Variants in CELF1 observed in about 807,000 individuals in gnomAD.
CELF1 encodes the protein CUGBP Elav-like family member 1.
A neutral mutation model predicts 61.8 loss-of-function variants in CELF1; 10 were observed. The ratio of observed to expected loss-of-function variants is 0.16; its 90% confidence interval spans 0.10 to 0.27. The LOEUF is 0.27. Ranked by LOEUF, CELF1 falls within the 10% of genes least tolerant of loss-of-function variation. The pLI is 1.00. For synonymous variants in CELF1, 236 were observed against 225.1 expected (o/e 1.05, Z -0.43); for missense variants, 380 against 639.1 (o/e 0.59, Z 4.37).
At chr11:47,558,515 ATATATG>A (rs1463953632) in intron 2 of CELF1, among the ~76,000 whole-genome samples, 1 of 119,030 alleles carries the variant, frequency 8.4e-6, no homozygotes, top group African/African-American at 3.6e-5. Context: ...TATATAAATA[ATATATG>A]TATATGTATA....
chr11:47,501,109 C>T (rs1391973966), intron 1 of CELF1, among the ~76,000 whole-genome samples, 177 bp from the exon 2 acceptor site: 4 of 152,226 alleles, frequency 2.6e-5, no homozygotes, highest in Admixed American at 1.3e-4. Flanking sequence ...CATGTCCAGA[C>T]GTCATCATCC....
chr11:47,556,923 G>A (rs181996884), upstream of CELF1, among the ~76,000 whole-genome samples: 6 of 152,094 alleles, frequency 3.9e-5, no homozygotes, highest in Admixed American at 6.6e-5. Flanking sequence ...ATTTTGAGAC[G>A]GAGTCTTGCT....
chr11:47,528,535 A>T (rs1476723008), intron 1 of CELF1, among the ~76,000 whole-genome samples: 1 of 152,072 alleles, frequency 6.6e-6, no homozygotes, highest in African/African-American at 2.4e-5. Context: ...AGGACTGTTC[A>T]TTGAGGCCAG....
At chr11:47,488,205 G>T (rs2088881752) in intron 4 of CELF1, among the ~76,000 whole-genome samples, 1 of 152,206 alleles carries the variant, frequency 6.6e-6, no homozygotes, top group Admixed American at 6.5e-5. Context: ...ATGTCTGTGT[G>T]TATATACGGG....
At chr11:47,502,242 C>A (rs1250305148) in intron 1 of CELF1, among the ~76,000 whole-genome samples, 3 of 152,144 alleles carry the variant, frequency 2.0e-5, no homozygotes. Context: ...TATAAAGCAA[C>A]ACCGCTTTAA....
intron 1 of CELF1, among the ~76,000 whole-genome samples, chr11:47,514,699 A>G (rs2095453148): frequency 6.6e-6 from 1 of 151,114 alleles, no homozygotes; most frequent in African/African-American, 2.4e-5. Context: ...CTACAAAAAA[A>G]AAAAAAAAAA....
chr11:47,499,859 T>G, intron 2 of CELF1: 1 of 217,358 alleles, frequency 4.6e-6, no homozygotes, highest in Non-Finnish European at 9.1e-6. Flanking sequence ...TCCATGAAGA[T>G]AGCAGTGGCT....
intron 6 of CELF1, among the ~76,000 whole-genome samples, chr11:47,485,595 T>G (rs1231326821): frequency 6.7e-6 from 1 of 149,330 alleles, no homozygotes; most frequent in Non-Finnish European, 1.5e-5. Flanking sequence ...ATTTTTTTTT[T>G]TTTTGAGACA....
rs866429486 is a variant in CELF1 at position 47,543,827 on chromosome 11, T to C, written c.-154+9165A>G. Among the ~76,000 whole-genome samples, 6 of 152,032 alleles carry C rather than the reference T, an allele frequency of 3.9e-5. No homozygotes were observed. The South Asian group carries it at 6.2e-4, about 16-fold the overall frequency. ...GATACAATATAGTTTACAAAGCAAA[T>C]AGCTAAAACTGATTAAGTCTTAAAT... is the stretch of plus-strand genomic sequence containing the variant. On this transcript the variant is annotated intron_variant, in intron 1 of 14. Transcript: ENST00000687097.
At chr11:47,522,520 AAAC>A (rs1187330890) in intron 1 of CELF1, among the ~76,000 whole-genome samples, 1 of 144,306 alleles carries the variant, frequency 6.9e-6, no homozygotes, top group African/African-American at 2.6e-5. Flanking sequence ...ATTCTGTCTA[AAAC>A]AACAACAACA....
At chr11:47,488,588 T>C (rs942475871) in intron 4 of CELF1, among the ~76,000 whole-genome samples, 4 of 152,248 alleles carry the variant, frequency 2.6e-5, no homozygotes, top group African/African-American at 4.8e-5. Context: ...CAAATTATCC[T>C]CATGCTAACA....
chr11:47,527,581 T>A (rs1216315993), intron 1 of CELF1, among the ~76,000 whole-genome samples: 1 of 152,126 alleles, frequency 6.6e-6, no homozygotes, highest in Non-Finnish European at 1.5e-5. Context: ...AAATTAAGCC[T>A]CTTCATTGTA....
At chr11:47,541,396 A>T (rs1181656642) in intron 1 of CELF1, among the ~76,000 whole-genome samples, 1 of 152,120 alleles carries the variant, frequency 6.6e-6, no homozygotes, top group African/African-American at 2.4e-5. Flanking sequence ...TACTATGAAA[A>T]TGGAAACTAC....
Position 47,487,173 on chromosome 11 carries a change from T to C in CELF1, c.328A>G (p.Lys110Glu). ...LEAQNALHNM[K>E]VLPGMHHPIQ... ...AGCTTTCTTACCCCTGGGAGGACTT[T>C]CATGTTGTGAAGAGCATTCTGAGCT... The change falls in exon 5 of 15, where the codon AAA (lysine) becomes GAA (glutamate). Residue 110 changes from lysine (K) to glutamate (E), a missense_variant. Physicochemically the swap from Lys to Glu is moderately conservative, Grantham distance 56. Transcript: ENST00000687097. 6.2e-7 allele frequency: 1 copy of C among 1,611,938 alleles called. No homozygotes were observed. Among genetic ancestry groups the C allele is most frequent in the Non-Finnish European group, 8.5e-7 (1 of 1,179,602 alleles).
chr11:47,530,398 T>C (rs1307595692), intron 1 of CELF1, among the ~76,000 whole-genome samples: 1 of 152,144 alleles, frequency 6.6e-6, no homozygotes, highest in African/African-American at 2.4e-5. Context: ...AAAGGAAGGC[T>C]TAAAAAACAA....
At chr11:47,534,021 C>CTTT (rs1565896662) in intron 1 of CELF1, among the ~76,000 whole-genome samples, 5 of 98,472 alleles carry the variant, frequency 5.1e-5, no homozygotes, top group African/African-American at 1.7e-4. Flanking sequence ...TTTTTTCTTT[C>CTTT]CTTTTTTTTT....
At chr11:47,495,720 C>A (rs971288493) in intron 3 of CELF1, among the ~76,000 whole-genome samples, 2 of 152,142 alleles carry the variant, frequency 1.3e-5, no homozygotes, top group African/African-American at 2.4e-5. Flanking sequence ...AGCTGCAGAG[C>A]TCCTGATTAG....
At chr11:47,494,493 AC>A in intron 3 of CELF1, 2 of 982,860 alleles carry the variant, frequency 2.0e-6, no homozygotes, top group Non-Finnish European at 2.4e-6. Context: ...ACACGAGGGA[AC>A]AAAAAAGAGC....
intron 1 of CELF1, among the ~76,000 whole-genome samples, chr11:47,519,478 TCTAAATAAATAA>T (rs2095748551): frequency 8.0e-6 from 1 of 124,918 alleles, no homozygotes; most frequent in South Asian, 2.6e-4. Context: ...AGACTCCATC[TCTAAATAAATAA>T]ATAAATAAAT....
Sources: allele counts gnomAD v4.1 joint callset (sites outside exome capture counted in the v4.1 genomes callset), GRCh38; gene constraint gnomAD v4.1.1; transcripts MANE v1.5; gene names NCBI Gene and HGNC (gene_info 2026-07-23, HGNC 2026-07-21).